The following METTL6 variants were observed in gnomAD, a reference collection of about 807,000 sequenced individuals.
METTL6 encodes the protein tRNA N(3)-cytidine methyltransferase METTL6.
A neutral mutation model predicts 26.4 loss-of-function variants in METTL6; 22 were observed. That is an observed-to-expected ratio of 0.83 (90% confidence interval 0.59 to 1.19). The LOEUF (loss-of-function observed/expected upper bound fraction) is 1.19. Among genes scored for constraint, METTL6 ranks in the 50% most tolerant of loss-of-function variants. The pLI, the probability that METTL6 is intolerant of heterozygous loss-of-function variation, is 0.00. For missense variants in METTL6, 304 were observed against 324.8 expected (o/e 0.94, Z 0.49); for synonymous variants, 109 against 116.2 (o/e 0.94, Z 0.40).
intron 6 of METTL6, among the ~76,000 whole-genome samples, chr3:15,390,653 G>A (rs1033541359): frequency 6.6e-6 from 1 of 152,140 alleles, no homozygotes; most frequent in South Asian, 2.1e-4. Flanking sequence ...GAGCAGGCTC[G>A]GTGCAGGCCC....
At chr3:15,394,011 TA>T (rs1699419086) in intron 6 of METTL6, among the ~76,000 whole-genome samples, 2 of 152,338 alleles carry the variant, frequency 1.3e-5, no homozygotes, top group South Asian at 4.1e-4. Context: ...GCTGGCCTCA[TA>T]AAATGAGTTA....
chr3:15,421,809 G>C (rs1013318082), intron 3 of METTL6, among the ~76,000 whole-genome samples: 4 of 152,230 alleles, frequency 2.6e-5, no homozygotes, highest in African/African-American at 9.6e-5. Context: ...CTACTTGGGA[G>C]GCTGAGGCAG....
At chr3:15,422,457 CTACAAAAAAA>C (rs1559497975) in intron 3 of METTL6, among the ~76,000 whole-genome samples, 1 of 151,980 alleles carries the variant, frequency 6.6e-6, no homozygotes, top group Non-Finnish European at 1.5e-5. Flanking sequence ...AACCCTGTCT[CTACAAAAAAA>C]TACAAAAATT....
At chr3:15,417,021 A>C (rs918012161) in intron 3 of METTL6, among the ~76,000 whole-genome samples, 15 of 152,206 alleles carry the variant, frequency 9.9e-5, no homozygotes, top group African/African-American at 3.4e-4. Context: ...AATGATGAAC[A>C]ATGAGGTAGG....
In METTL6 at chr3:15,424,948, C is replaced by T; in HGVS notation, c.360+7G>A. The T allele has an allele frequency of 6.2e-7, 1 of 1,613,980 alleles. No individual in the cohort carries two copies. The highest frequency in any genetic ancestry group is 1.1e-5 in the South Asian group (1 of 91,054). ...AACACAGCAGAATACATAGATGGTG[C>T]ACCAACCTTAACATATTCAATGGCT... On this transcript the variant is annotated splice_region_variant and intron_variant, in intron 3 of 5. Transcript: ENST00000383790.
rs573623980 is a variant in METTL6 at position 15,394,461 on chromosome 3, T to C, written c.*12-10274A>G. 5.5e-3 allele frequency among the ~76,000 whole-genome samples: 840 copies of C among 152,306 alleles called. 5 individuals carry two copies. Among genetic ancestry groups the C allele is most frequent in the African/African-American group, 0.018 (755 of 41,572 alleles). ...TTCAAAAAACCAGCTCCTGGATTCA[T>C]TGATTTTTTGAAGGGTTTTTTGTGT... On this transcript the variant is annotated intron_variant, in intron 6 of 6. Coordinates refer to the METTL6 transcript ENST00000443029.
Position 15,410,626 on chromosome 3 carries a change from T to C in METTL6, c.*630A>G, listed in dbSNP as rs541125500. Reference sequence around the variant, plus strand: ...AACCCTCAAAATATCTTAAGAAAAGTAACTGACTGCAGTTGAAAACAGGTA... The same window carrying C: ...AACCCTCAAAATATCTTAAGAAAAGCAACTGACTGCAGTTGAAAACAGGTA... On this transcript the variant is annotated 3_prime_UTR_variant, in exon 6 of 6. Transcript: ENST00000383790. 6.7e-6 allele frequency among the ~76,000 whole-genome samples: 1 copy of C among 149,714 alleles called. No homozygotes were observed. The highest frequency in any genetic ancestry group is 2.1e-4 in the South Asian group (1 of 4,706).
At chr3:15,409,614 ATCT>A (rs552964291), downstream of METTL6, among the ~76,000 whole-genome samples, 1 of 152,178 alleles carries the variant, frequency 6.6e-6, no homozygotes, top group Non-Finnish European at 1.5e-5. Flanking sequence ...GACACCAGTC[ATCT>A]TCTCCGAGAA....
At chr3:15,400,759 T>C (rs1699618099) in intron 6 of METTL6, among the ~76,000 whole-genome samples, 1 of 152,220 alleles carries the variant, frequency 6.6e-6, no homozygotes, top group Non-Finnish European at 1.5e-5. Flanking sequence ...CAGCTATAAT[T>C]GAACAACCCT....
rs768708101 is a variant in METTL6 at position 15,410,250 on chromosome 3, A to G, written c.*1006T>C. ...AGTGGTTGCCTGAAACCAAGATGGT[A>G]CCAAACTCTAAAAAAAAAAGAACAA... On this transcript the variant is annotated 3_prime_UTR_variant, in exon 6 of 6. Transcript: ENST00000383790. 1.3e-5 allele frequency among the ~76,000 whole-genome samples: 2 copies of G among 152,124 alleles called. No homozygotes were observed. Among genetic ancestry groups the G allele is most frequent in the Non-Finnish European group, 2.9e-5 (2 of 68,030 alleles).
intron 4 of METTL6, 162 bp downstream of exon 4, chr3:15,415,610 T>A: frequency 6.2e-7 from 1 of 1,609,458 alleles, no homozygotes; most frequent in Non-Finnish European, 8.5e-7. Flanking sequence ...TTAGGGTGGA[T>A]GTTTTATGCC....
chr3:15,415,494 T>C, intron 4 of METTL6: 1 of 1,589,616 alleles, frequency 6.3e-7, no homozygotes, highest in African/African-American at 1.3e-5. Context: ...ATAACTCCTC[T>C]CACCTTATAG....
At chr3:15,415,243 T>C (rs1215865351) in intron 4 of METTL6, among the ~76,000 whole-genome samples, 1 of 152,218 alleles carries the variant, frequency 6.6e-6, no homozygotes, top group African/African-American at 2.4e-5. Flanking sequence ...CACCCAACTG[T>C]GGGACAAAGG....
At chr3:15,417,855 A>T in intron 3 of METTL6, among the ~76,000 whole-genome samples, 1 of 152,122 alleles carries the variant, frequency 6.6e-6, no homozygotes, top group East Asian at 1.9e-4. Context: ...AACATTAGAG[A>T]ACGACCCCCT....
In METTL6 at chr3:15,414,151, TG is replaced by T. The variant is rs1700089723; in HGVS notation, c.542del (p.Pro181GlnfsTer60). 1 of 1,612,284 alleles carries T rather than the reference TG, an allele frequency of 6.2e-7. No homozygotes were observed. Among genetic ancestry groups the T allele is most frequent in the African/African-American group, 1.3e-5 (1 of 74,788 alleles). On this transcript the variant is annotated frameshift_variant, in exon 5 of 6. Coordinates refer to ENST00000383790, the MANE Select transcript of METTL6 (RefSeq NM_152396.4). LOFTEE classifies it high-confidence loss of function. ...VLQNIYKVLK[P>X]GKSVLFRDYG... The stretch of plus-strand genomic sequence containing the variant: ...AGTCACGAAACAAGACACTTTTGCC[TG>T]GTTTTAATACCTATGAAACAAAAGC...
At position 15,381,950 on chromosome 3, in the gene METTL6, T is replaced by G. The variant is rs1699090447; in HGVS notation, c.*2249A>C. ...CTTGATCCATAATATGGGATACAAG[T>G]CGAAGTAGCTTTCTGAATAGCCACC... is the stretch of plus-strand genomic sequence containing the variant. On this transcript the variant is annotated 3_prime_UTR_variant, in exon 7 of 7. Coordinates refer to the METTL6 transcript ENST00000443029. The G allele has an allele frequency of 2.0e-5, 3 of 152,216 alleles. No individual in the cohort carries two copies. The South Asian group carries it at 6.2e-4, about 32-fold the overall frequency. The allele number at this position is 152,216 out of a possible 1,614,324, so 9.4% of individuals were successfully genotyped here.
chr3:15,424,596 A>C (rs775623265), intron 3 of METTL6, among the ~76,000 whole-genome samples: 6 of 152,212 alleles, frequency 3.9e-5, no homozygotes, highest in Non-Finnish European at 8.8e-5. Context: ...GAAATATGAT[A>C]AACTTATTGT....
chr3:15,386,374 C>T (rs1186733748), intron 6 of METTL6, among the ~76,000 whole-genome samples: 1 of 152,004 alleles, frequency 6.6e-6, no homozygotes, highest in Non-Finnish European at 1.5e-5. Flanking sequence ...AGGTTTAAGG[C>T]AGAGGGAGAG....
At chr3:15,387,876 G>A (rs999384980) in intron 6 of METTL6, among the ~76,000 whole-genome samples, 1 of 149,760 alleles carries the variant, frequency 6.7e-6, no homozygotes. Flanking sequence ...GCAATGGTGT[G>A]GTCACAGCTC....
Sources: allele counts gnomAD v4.1 joint callset (sites outside exome capture counted in the v4.1 genomes callset), GRCh38; gene constraint gnomAD v4.1.1; transcripts MANE v1.5; gene names NCBI Gene and HGNC (gene_info 2026-07-23, HGNC 2026-07-21).